Variants in REPS2 observed in about 807,000 individuals in gnomAD.
REPS2 encodes the protein RALBP1 associated Eps domain containing 2, also known as ralBP1-associated Eps domain-containing protein 2.
A neutral mutation model predicts 53.6 loss-of-function variants in REPS2; 23 were observed. The ratio of observed to expected loss-of-function variants is 0.43; its 90% confidence interval spans 0.31 to 0.61. REPS2 has a LOEUF of 0.61. Ranked by LOEUF, REPS2 falls within the 20% of genes least tolerant of loss-of-function variation. REPS2 has a pLI of 0.11. For synonymous variants in REPS2, 238 were observed against 218.6 expected (o/e 1.09, Z -0.78); for missense variants, 446 against 534.9 (o/e 0.83, Z 1.64).
At chrX:16,986,662 G>A (rs1200502004) in intron 1 of REPS2, among the ~76,000 whole-genome samples, 2 of 111,485 alleles carry the variant, frequency 1.8e-5, no homozygotes, top group East Asian at 5.6e-4. Context: ...TGGGTCATTA[G>A]AAGTGACCTC....
chrX:16,947,018 C>A lies in REPS2; in HGVS notation c.157C>A (p.Pro53Thr). Residue 53 changes from proline to threonine, a missense_variant, in exon 1 of 18, where the codon CCC becomes ACC. Pro to Thr is a conservative substitution (Grantham distance 38). Transcript: ENST00000357277. ...ARCAGAAGGG[P>T]GSGPPEAARV... ...CTGTGCCGGCGCCGCGGGCGGGGGC[C>A]CCGGGTCTGGGCCCCCCGAGGCCGC... is the stretch of plus-strand genomic sequence containing the variant. The A allele has an allele frequency of 1.0e-6, 1 of 953,364 alleles. No homozygotes were observed. The highest frequency in any genetic ancestry group is 1.3e-6 in the Non-Finnish European group (1 of 768,285). 78.6% of individuals were successfully genotyped at this position (953,364 alleles called of 1,213,427 possible).
At chrX:17,087,987 C>G (rs778914725) in intron 13 of REPS2, among the ~76,000 whole-genome samples, 1 of 104,900 alleles carries the variant, frequency 9.5e-6, no homozygotes, top group Non-Finnish European at 2.0e-5. Flanking sequence ...GATAAAGATA[C>G]ATAAGATAGA....
chrX:17,132,959 T>C (rs1404809360), intron 14 of REPS2, among the ~76,000 whole-genome samples: 4 of 112,369 alleles, frequency 3.6e-5, no homozygotes, highest in African/African-American at 9.7e-5. Flanking sequence ...TTATAAAACT[T>C]AATAAAAAAA....
chrX:17,121,134 A>G (rs1046759054), intron 14 of REPS2, among the ~76,000 whole-genome samples: 2 of 111,620 alleles, frequency 1.8e-5, no homozygotes, highest in African/African-American at 3.3e-5. Flanking sequence ...GGCCTCCCCA[A>G]CTCTGTTTCG....
intron 1 of REPS2, among the ~76,000 whole-genome samples, chrX:16,968,537 C>T (rs1374454582): frequency 2.9e-5 from 3 of 102,611 alleles, no homozygotes; most frequent in Non-Finnish European, 6.1e-5. Flanking sequence ...CCCCACCTCC[C>T]TCCGGGACGG....
At chrX:16,961,474 A>T (rs1211276922) in intron 1 of REPS2, among the ~76,000 whole-genome samples, 1 of 112,084 alleles carries the variant, frequency 8.9e-6, no homozygotes, top group Admixed American at 9.5e-5. Context: ...TGTCTTTAAA[A>T]TATACAACAA....
chrX:17,089,849 A>G (rs1219145746), intron 13 of REPS2, among the ~76,000 whole-genome samples: 2 of 112,531 alleles, frequency 1.8e-5, no homozygotes, highest in African/African-American at 6.5e-5. Flanking sequence ...ATATTTGAAT[A>G]CAAGTCTTTG....
chrX:17,170,989 T>C, the REPS2 span, among the ~76,000 whole-genome samples: 2 of 112,871 alleles, frequency 1.8e-5, no homozygotes, highest in Non-Finnish European at 3.7e-5. Context: ...GAAAACTTTG[T>C]AGGACATCCT....
intron 14 of REPS2, among the ~76,000 whole-genome samples, chrX:17,128,588 G>A (rs1177555468): frequency 1.8e-5 from 2 of 112,000 alleles, no homozygotes; most frequent in Non-Finnish European, 3.8e-5. Context: ...CATGTCCCAA[G>A]CACCTACCAT....
chrX:17,039,697 C>T (rs2061807766), intron 5 of REPS2, among the ~76,000 whole-genome samples: 1 of 112,023 alleles, frequency 8.9e-6, no homozygotes, highest in African/African-American at 3.2e-5. Context: ...ATCAAGTGTA[C>T]GTACTTTGGA....
At chrX:17,168,780 G>A in the REPS2 span, among the ~76,000 whole-genome samples, 7 of 112,100 alleles carry the variant, frequency 6.2e-5, no homozygotes, top group African/African-American at 2.3e-4. Flanking sequence ...GGAGGTTTCA[G>A]TTAGAGGCAC....
At chrX:17,144,382 T>A (rs1259783491) in intron 17 of REPS2, among the ~76,000 whole-genome samples, 3 of 112,987 alleles carry the variant, frequency 2.7e-5, no homozygotes, top group Non-Finnish European at 5.6e-5. Flanking sequence ...CAGCCAACAC[T>A]TATTTTAGCC....
intron 14 of REPS2, 29 bp downstream of exon 14, chrX:17,103,808 T>G: frequency 8.5e-7 from 1 of 1,170,288 alleles, no homozygotes; most frequent in Non-Finnish European, 1.2e-6. Context: ...TTATGTAAAC[T>G]GTTCGGTGGT....
chrX:16,983,945 C>T (rs1036109655), intron 1 of REPS2, among the ~76,000 whole-genome samples: 1 of 112,959 alleles, frequency 8.9e-6, no homozygotes, highest in African/African-American at 3.2e-5. Flanking sequence ...CACTGCTATA[C>T]TACCTCTTTA....
At chrX:16,958,184 G>GT (rs1441735115) in intron 1 of REPS2, among the ~76,000 whole-genome samples, 2 of 111,601 alleles carry the variant, frequency 1.8e-5, no homozygotes, top group Non-Finnish European at 3.8e-5. Flanking sequence ...AAAACGGGGA[G>GT]TTTCCTGATG....
In REPS2 at chrX:16,965,710, C is replaced by T. The variant is rs570644238; in HGVS notation, c.273+18576C>T. On this transcript the variant is annotated intron_variant, in intron 1 of 17. Coordinates refer to ENST00000357277, the MANE Select transcript of REPS2 (RefSeq NM_004726.3). ...GCTCCTCACTTCCTAGATGGGATGG[C>T]GGCTGGGCAGAGGCTGCAATCTCTG... 1.7e-3 allele frequency among the ~76,000 whole-genome samples: 190 copies of T among 112,596 alleles called. 1 individual carries two copies. The highest frequency in any genetic ancestry group is 5.7e-3 in the South Asian group (16 of 2,788).
chrX:17,040,557 G>C lies in REPS2; in HGVS notation c.772-6790G>C, dbSNP rs755308653. Reference sequence around the variant, plus strand: ...AGCATGGGGTAGGGTGAGAGGCAGAGCATAAACAAGATTGATCAAGCATAA... The same window carrying C: ...AGCATGGGGTAGGGTGAGAGGCAGACCATAAACAAGATTGATCAAGCATAA... On this transcript the variant is annotated intron_variant, in intron 5 of 17. Transcript: ENST00000357277. Among the ~76,000 whole-genome samples, 11 of 112,170 alleles carry C rather than the reference G, an allele frequency of 9.8e-5. No homozygotes were observed. In the South Asian group the frequency reaches 4.0e-3, roughly 41 times the overall value.
chrX:17,159,697 G>A, the REPS2 span, among the ~76,000 whole-genome samples: 1 of 111,481 alleles, frequency 9.0e-6, no homozygotes, highest in Non-Finnish European at 1.9e-5. Context: ...CTAGACATGT[G>A]TTTGTTAAAT....
At chrX:17,075,587 C>A (rs2062369775) in intron 12 of REPS2, among the ~76,000 whole-genome samples, 2 of 112,118 alleles carry the variant, frequency 1.8e-5, no homozygotes, top group Non-Finnish European at 3.8e-5. Flanking sequence ...AACACCACTG[C>A]ATTCATCATT....
Sources: gnomAD v4.1 joint callset for allele counts (sites outside exome capture counted in the v4.1 genomes callset) on GRCh38, gnomAD v4.1.1 for gene constraint, MANE v1.5 for transcripts, NCBI Gene and HGNC (gene_info 2026-07-23, HGNC 2026-07-21) for gene names.